The following NOBOX variants were observed in gnomAD, a reference collection of about 807,000 sequenced individuals.
NOBOX encodes the protein NOBOX oogenesis homeobox, also known as homeobox protein NOBOX.
Under a neutral mutation model 60.2 loss-of-function variants are expected in NOBOX, and 46 were observed. The observed-to-expected ratio is 0.76, with a 90% CI of 0.60 to 0.98. The LOEUF (loss-of-function observed/expected upper bound fraction) is 0.98, where lower values mean the gene tolerates loss of function less well. Ranked by LOEUF, NOBOX falls within the 50% of genes least tolerant of loss-of-function variation. NOBOX has a pLI of 0.00. For synonymous variants in NOBOX, 360 were observed against 346.3 expected, an observed-to-expected ratio of 1.04 and a Z score of -0.44; for missense variants, 880 against 865.5, an observed-to-expected ratio of 1.02 and a Z score of -0.21.
Position 144,401,577 on chromosome 7 carries a change from G to A in NOBOX, c.313C>T (p.Pro105Ser), listed in dbSNP as rs771128293. 3 of 1,507,686 alleles carry A rather than the reference G, an allele frequency of 2.0e-6. No individual in the cohort carries two copies. Among genetic ancestry groups the A allele is most frequent in the Middle Eastern group, 1.8e-4 (1 of 5,560 alleles). 93.4% of individuals were successfully genotyped at this position (1,507,686 alleles called of 1,614,324 possible). A position where few individuals can be genotyped will look rare whatever the true frequency, so the allele number is the denominator to read the frequency against. Residue 105 changes from proline (P) to serine (S), a missense_variant, in exon 4 of 10, where the codon CCC becomes TCC. Coordinates refer to ENST00000467773, the MANE Select transcript of NOBOX (RefSeq NM_001080413.3). The surrounding 1 kb of genome is among the most constrained non-coding windows in gnomAD (Gnocchi z 4.2). ...TCCTCCCCGGGTCCTGCAGCCAGGG[G>A]CTTCTCTCCAGCTTTCTGGCCTGTG...
intron 1 of NOBOX, chr7:144,410,074 G>A: frequency 9.8e-7 from 1 of 1,022,994 alleles, no homozygotes; most frequent in Non-Finnish European, 1.5e-6. Context: ...TGTATGGGAA[G>A]ACAACTCTGT....
Position 144,399,115 on chromosome 7 carries a change from T to C in NOBOX, c.1304A>G (p.Gln435Arg). The stretch of plus-strand genomic sequence containing the variant: ...GAAGAGTGGGGGGGTCACCACCCTC[T>C]GAGCACCCTCACTGGGTTGGGTGGG... Residue 435 changes from glutamine to arginine, a missense_variant, in exon 8 of 10, where the codon CAG becomes CGG. By Grantham distance (43) the Gln-to-Arg change is conservative. Coordinates refer to ENST00000467773, the MANE Select transcript of NOBOX (RefSeq NM_001080413.3). 6.5e-7 allele frequency: 1 copy of C among 1,543,556 alleles called. No individual in the cohort carries two copies. Among genetic ancestry groups the C allele is most frequent in the Non-Finnish European group, 8.9e-7 (1 of 1,118,984 alleles).
At chr7:144,406,452 G>T (rs1427570723) in intron 1 of NOBOX, among the ~76,000 whole-genome samples, 2 of 152,100 alleles carry the variant, frequency 1.3e-5, no homozygotes, top group African/African-American at 2.4e-5. Flanking sequence ...CAGCTACTTG[G>T]GAGGCTGAGG....
rs1186127975 is a variant in NOBOX, at chr7:144,400,245, C to G, written c.912G>C (p.Glu304Asp). 1 of 1,614,100 alleles carries G rather than the reference C, an allele frequency of 6.2e-7. No individual in the cohort carries two copies. Among genetic ancestry groups the G allele is most frequent in the South Asian group, 1.1e-5 (1 of 91,090 alleles). The stretch of plus-strand genomic sequence containing the variant: ...GGGTCACCCCCACCGTCTGGGCAAT[C>G]TCTCGGCGTTTATCACTGTCAGGAT... Residue 304 changes from glutamate (E) to aspartate (D), a missense_variant, in exon 5 of 10, where the codon GAG (glutamate) becomes GAC (aspartate). Coordinates refer to ENST00000467773, the MANE Select transcript of NOBOX (RefSeq NM_001080413.3).
Position 144,398,407 on chromosome 7 carries a change from G to T in NOBOX, c.1649C>A (p.Thr550Lys). The change falls in exon 9 of 10, where the codon ACG (threonine) becomes AAG (lysine). Residue 550 changes from threonine (T) to lysine (K), a missense_variant. Thr to Lys is a moderately conservative substitution (Grantham distance 78). Coordinates refer to ENST00000467773, the MANE Select transcript of NOBOX (RefSeq NM_001080413.3). ...GAGAGAGTCTTCGGGCGGTGGAAGC[G>T]TCAGTGAACTGGGCATGGAGAAGGG... The T allele has an allele frequency of 6.5e-7, 1 of 1,537,226 alleles. No homozygotes were observed. Among genetic ancestry groups the T allele is most frequent in the East Asian group, 2.4e-5 (1 of 40,894 alleles).
At chr7:144,402,013 G>A (rs1332073982) in intron 2 of NOBOX, 22 of 1,254,934 alleles carry the variant, frequency 1.8e-5, no homozygotes, top group East Asian at 1.2e-4. Flanking sequence ...CTCCCAAGGC[G>A]GGATGCTGTT....
Position 144,398,932 on chromosome 7 carries a change from C to T in NOBOX, c.1469+18G>A. The T allele has an allele frequency of 2.8e-6, 4 of 1,409,004 alleles. No homozygotes were observed. Among genetic ancestry groups the T allele is most frequent in the Non-Finnish European group, 3.9e-6 (4 of 1,016,612 alleles). 87.3% of individuals were successfully genotyped at this position (1,409,004 alleles called of 1,614,324 possible). Reference sequence around the variant, plus strand: ...CCACCCAGATAACTAGAGTGACCTACCCCCGTAGGTTCCTTACCTTGTCCC... The same window carrying T: ...CCACCCAGATAACTAGAGTGACCTATCCCCGTAGGTTCCTTACCTTGTCCC... On this transcript the variant is annotated intron_variant, in intron 8 of 9. Transcript: ENST00000467773.
In NOBOX at chr7:144,398,797, C is replaced by T. The variant is rs2053913878; in HGVS notation, c.1469+153G>A. 1.4e-5 allele frequency: 9 copies of T among 639,334 alleles called. No homozygotes were observed. The East Asian group carries it at 2.2e-4, about 16-fold the overall frequency. The allele number at this position is 639,334 out of a possible 1,614,324, so 39.6% of individuals were successfully genotyped here. A position where few individuals can be genotyped will look rare whatever the true frequency, so the allele number is the denominator to read the frequency against. On this transcript the variant is annotated intron_variant, in intron 8 of 9. Coordinates refer to ENST00000467773, the MANE Select transcript of NOBOX (RefSeq NM_001080413.3). ...ATTGCTGTGATCCCCTAGGTCATTCCCCAGATCCCCTTATCCCTTTCATCC... is the reference window on the plus strand; with the variant it reads ...ATTGCTGTGATCCCCTAGGTCATTCTCCAGATCCCCTTATCCCTTTCATCC...
Position 144,401,391 on chromosome 7 carries a change from G to A in NOBOX, c.499C>T (p.Pro167Ser), listed in dbSNP as rs1249517245. The A allele has an allele frequency of 1.9e-6, 3 of 1,613,444 alleles. No homozygotes were observed. Among genetic ancestry groups the A allele is most frequent in the Non-Finnish European group, 2.5e-6 (3 of 1,179,664 alleles). ...CGGGCTAGAGTTCTGTCTTTGTGGG[G>A]AGCCCTGGAGCGGGGGGGCGGGCAC... is the stretch of plus-strand genomic sequence containing the variant. The change falls in exon 4 of 10, where the codon CCC becomes TCC. Residue 167 changes from proline to serine, a missense_variant. Physicochemically the swap from Pro to Ser is moderately conservative, Grantham distance 74 (BLOSUM62 -1). Transcript: ENST00000467773. This position sits in a 1 kb window ranked among gnomAD's most constrained non-coding sequence, Gnocchi z 4.2.
At chr7:144,399,517 T>G in intron 6 of NOBOX, 35 bp from the exon 5 acceptor site, 4 of 1,519,138 alleles carry the variant, frequency 2.6e-6, no homozygotes, top group Non-Finnish European at 3.6e-6. Context: ...GTAGCTTTGG[T>G]GGTCTCTGGA....
Position 144,399,045 on chromosome 7 carries a change from G to A in NOBOX, c.1374C>T (p.Gly458=). The change falls in exon 8 of 10, where the codon GGC becomes GGT. Residue 458 remains glycine, a synonymous_variant. Transcript: ENST00000467773. ...GCATCAGTTGGGGGGTGTGGACAGG[G>A]CCAAGGGGGAAAGGAAGATCGGCCC... is the stretch of plus-strand genomic sequence containing the variant. 6.3e-7 allele frequency: 1 copy of A among 1,598,390 alleles called. No individual in the cohort carries two copies. The highest frequency in any genetic ancestry group is 8.5e-7 in the Non-Finnish European group (1 of 1,170,742).
chr7:144,407,682 C>T lies in NOBOX; in HGVS notation c.85+2461G>A, dbSNP rs139470648. Among the ~76,000 whole-genome samples, 718 of 152,298 alleles carry T rather than the reference C, an allele frequency of 4.7e-3. 1 individual carries two copies. The highest frequency in any genetic ancestry group is 0.016 in the African/African-American group (680 of 41,554). On this transcript the variant is annotated intron_variant, in intron 1 of 9. Coordinates refer to ENST00000467773, the MANE Select transcript of NOBOX (RefSeq NM_001080413.3). ...TGCCAAAGTATCTGCCCAGGGGCTT[C>T]CTTTGAAAGCCCAGAAAAGGATGGT... is the stretch of plus-strand genomic sequence containing the variant.
intron 2 of NOBOX, among the ~76,000 whole-genome samples, chr7:144,402,436 C>G (rs568097200): frequency 5.3e-5 from 8 of 152,120 alleles, no homozygotes; most frequent in Non-Finnish European, 1.0e-4. Context: ...TCTGCAAGAA[C>G]GGCACTGCTA....
chr7:144,397,566 T>C (rs1278410724), intron 9 of NOBOX, 25 bp from the exon 8 acceptor site: 2 of 1,485,038 alleles, frequency 1.3e-6, no homozygotes, highest in South Asian at 2.6e-5. Context: ...GGTGTAGGAA[T>C]TACCAGACAG....
At chr7:144,403,673 G>C (rs913110781) in intron 2 of NOBOX, 4 of 700,886 alleles carry the variant, frequency 5.7e-6, no homozygotes, top group Non-Finnish European at 1.0e-5. Flanking sequence ...GTCCCTGGCA[G>C]GGATTCTCTG....
downstream of NOBOX, chr7:144,397,099 CG>C: frequency 1.5e-6 from 1 of 667,838 alleles, no homozygotes. Context: ...ATCAACAAGA[CG>C]AGCCTACACA....
intron 2 of NOBOX, among the ~76,000 whole-genome samples, chr7:144,404,346 C>T (rs916296513): frequency 1.3e-5 from 2 of 152,048 alleles, no homozygotes; most frequent in East Asian, 1.9e-4. Context: ...CTCCCGGGTT[C>T]AAGCGATTCT....
chr7:144,397,436 T>C lies in NOBOX; in HGVS notation c.1880A>G (p.Asp627Gly), dbSNP rs2053900946. The C allele has an allele frequency of 6.5e-7, 1 of 1,536,946 alleles. No homozygotes were observed. Among genetic ancestry groups the C allele is most frequent in the South Asian group, 1.2e-5 (1 of 84,050 alleles). The change falls in exon 10 of 10, where the codon GAT becomes GGT. Residue 627 changes from aspartate to glycine, a missense_variant. By Grantham distance (94) the Asp-to-Gly change is moderately conservative. Transcript: ENST00000467773. ...CTGGGGGCAGGGAGTTGGAAATAGA[T>C]CAGGAAAGTAGCCATCCCCTCCTGG...
chr7:144,399,938 A>G (rs1207212678), intron 5 of NOBOX, 75 bp from the exon 4 acceptor site: 4 of 1,333,838 alleles, frequency 3.0e-6, no homozygotes, highest in East Asian at 2.4e-5. Flanking sequence ...CTGTTGCACA[A>G]GGAGCTACAG....
Sources: allele counts gnomAD v4.1 joint callset (sites outside exome capture counted in the v4.1 genomes callset), GRCh38; gene constraint gnomAD v4.1.1; non-coding constraint Gnocchi (gnomAD v3.1); transcripts MANE v1.5; gene names NCBI Gene and HGNC (gene_info 2026-07-23, HGNC 2026-07-21).